PTPN1: variants seen among roughly 807,000 people sequenced by gnomAD.
PTPN1 encodes protein tyrosine phosphatase non-receptor type 1, also known as tyrosine-protein phosphatase non-receptor type 1.
Under a neutral mutation model 59.9 loss-of-function variants are expected in PTPN1, and 12 were observed. That is an observed-to-expected ratio of 0.20 (90% CI 0.13 to 0.32). The LOEUF is 0.32. Among genes scored for constraint, PTPN1 ranks in the 10% least tolerant of loss-of-function variants. The probability of loss-of-function intolerance (pLI) is 1.00; values close to 1 mark genes in which losing one functional copy is unlikely to be tolerated. For synonymous variants in PTPN1, 178 were observed against 203.6 expected, an observed-to-expected ratio of 0.87 and a Z score of 1.07; for missense variants, 356 against 549.2, an observed-to-expected ratio of 0.65 and a Z score of 3.52.
chr20:50,568,271 TA>T lies in PTPN1; in HGVS notation c.256-107del. ...TCCCAGCCTCAGCCACCACTCTGCC[TA>T]AGCTGTGGGGACTGAGGGCGCTGTC... On this transcript the variant is annotated intron_variant, in intron 3 of 9. Coordinates refer to ENST00000371621, the MANE Select transcript of PTPN1 (RefSeq NM_002827.4). The surrounding 1 kb of genome is among the most constrained non-coding windows in gnomAD (Gnocchi z 5.6). 1 of 913,524 alleles carries T rather than the reference TA, an allele frequency of 1.1e-6. No individual in the cohort carries two copies. Among genetic ancestry groups the T allele is most frequent in the Non-Finnish European group, 1.8e-6 (1 of 562,696 alleles). 56.6% of individuals were successfully genotyped at this position (913,524 alleles called of 1,614,324 possible). A position where few individuals can be genotyped will look rare whatever the true frequency, so the allele number is the denominator to read the frequency against.
intron 1 of PTPN1, among the ~76,000 whole-genome samples, chr20:50,521,865 T>C (rs2082553018): frequency 1.3e-5 from 2 of 152,164 alleles, no homozygotes; most frequent in Non-Finnish European, 1.5e-5. Flanking sequence ...ACACAACTCC[T>C]TTTGGATGTA....
chr20:50,568,514 T>C lies in PTPN1; in HGVS notation c.354+36T>C. ...GCTTCATTTGCTGTGTATGTGATCATGCATACCACTCCATATAGTTACCAT... is the reference window on the plus strand; with the variant it reads ...GCTTCATTTGCTGTGTATGTGATCACGCATACCACTCCATATAGTTACCAT... On this transcript the variant is annotated intron_variant, in intron 4 of 9. Transcript: ENST00000371621. This position sits in a 1 kb window ranked among gnomAD's most constrained non-coding sequence, Gnocchi z 5.6. 2 of 1,474,124 alleles carry C rather than the reference T, an allele frequency of 1.4e-6. No individual in the cohort carries two copies. Among genetic ancestry groups the C allele is most frequent in the Non-Finnish European group, 1.9e-6 (2 of 1,052,416 alleles). The allele number at this position is 1,474,124 out of a possible 1,614,324, so 91.3% of individuals were successfully genotyped here. A position where few individuals can be genotyped will look rare whatever the true frequency, so the allele number is the denominator to read the frequency against.
At chr20:50,570,327 T>G (rs879034579) in intron 4 of PTPN1, among the ~76,000 whole-genome samples, 5 of 152,132 alleles carry the variant, frequency 3.3e-5, no homozygotes, top group South Asian at 2.1e-4. Context: ...TGGGGTTTTT[T>G]GGGGGTTTTT....
intron 6 of PTPN1, 119 bp downstream of exon 6, chr20:50,578,748 C>A: frequency 1.1e-6 from 1 of 872,240 alleles, no homozygotes; most frequent in Non-Finnish European, 1.7e-6. Context: ...CTGTGTTAGT[C>A]TGTTTTTGCG....
intron 1 of PTPN1, among the ~76,000 whole-genome samples, chr20:50,549,488 C>T (rs1743035699): frequency 6.6e-6 from 1 of 152,172 alleles, no homozygotes; most frequent in Admixed American, 6.5e-5. Flanking sequence ...ATTAACCTTG[C>T]CCCAGACCAC....
At chr20:50,513,616 G>A (rs997312671) in intron 1 of PTPN1, among the ~76,000 whole-genome samples, 2 of 152,188 alleles carry the variant, frequency 1.3e-5, no homozygotes, top group Admixed American at 6.5e-5. Flanking sequence ...ATTCATGTTA[G>A]AGGCAGGCTT....
At chr20:50,524,663 G>A (rs1449306980) in intron 1 of PTPN1, among the ~76,000 whole-genome samples, 4 of 133,648 alleles carry the variant, frequency 3.0e-5, no homozygotes, top group Admixed American at 8.7e-5. Flanking sequence ...TGCAACCTCC[G>A]CCTCCCGGGT....
At position 50,568,075 on chromosome 20, in the gene PTPN1, G is replaced by A. The variant is rs1247118476; in HGVS notation, c.256-305G>A. Reference sequence around the variant, plus strand: ...CCCATAGCCCAAGGGCCTTGGGGACGAATCTCAGTGGAGGCCCTTAGCGGG... The same window carrying A: ...CCCATAGCCCAAGGGCCTTGGGGACAAATCTCAGTGGAGGCCCTTAGCGGG... On this transcript the variant is annotated intron_variant, in intron 3 of 9. Transcript: ENST00000371621. The surrounding 1 kb of genome is among the most constrained non-coding windows in gnomAD (Gnocchi z 5.6). 6.6e-6 allele frequency among the ~76,000 whole-genome samples: 1 copy of A among 152,252 alleles called. No individual in the cohort carries two copies. The highest frequency in any genetic ancestry group is 1.5e-5 in the Non-Finnish European group (1 of 68,044).
chr20:50,563,267 A>G (rs1305555402), intron 2 of PTPN1, among the ~76,000 whole-genome samples: 1 of 152,122 alleles, frequency 6.6e-6, no homozygotes, highest in Admixed American at 6.5e-5. Context: ...ATTTGCTGTG[A>G]AGGTTATGGG....
intron 2 of PTPN1, among the ~76,000 whole-genome samples, chr20:50,564,279 C>T (rs767579421): frequency 2.6e-5 from 4 of 152,088 alleles, no homozygotes; most frequent in Non-Finnish European, 4.4e-5. Context: ...ATTGAAGCCA[C>T]CATATTTTCT....
In PTPN1 at chr20:50,510,455, A is replaced by C; in HGVS notation, c.-73A>C. ...GATTGCAGCGGGCCTCGGGGCTAAG[A>C]GCGCGACGCGGCCTAGAGCGGCAGA... On this transcript the variant is annotated 5_prime_UTR_variant, in exon 1 of 10. Coordinates refer to ENST00000371621, the MANE Select transcript of PTPN1 (RefSeq NM_002827.4). 6.6e-7 allele frequency: 1 copy of C among 1,510,126 alleles called. No individual in the cohort carries two copies. Among genetic ancestry groups the C allele is most frequent in the East Asian group, 2.6e-5 (1 of 38,866 alleles). The allele number at this position is 1,510,126 out of a possible 1,614,324, so 93.5% of individuals were successfully genotyped here.
chr20:50,537,986 C>T (rs2082631604), intron 1 of PTPN1, among the ~76,000 whole-genome samples: 1 of 152,098 alleles, frequency 6.6e-6, no homozygotes, highest in East Asian at 1.9e-4. Flanking sequence ...AGCTTTTGCT[C>T]TTCATCTTGA....
chr20:50,558,408 TA>T (rs1282034800), intron 1 of PTPN1, among the ~76,000 whole-genome samples: 1 of 152,266 alleles, frequency 6.6e-6, no homozygotes, highest in Admixed American at 6.5e-5. Context: ...ATACTTGAGA[TA>T]TTTTGCTTTT....
chr20:50,510,416 C>A lies in PTPN1; in HGVS notation c.-112C>A. On this transcript the variant is annotated 5_prime_UTR_variant, in exon 1 of 10. The change creates a new upstream start codon in the 5' untranslated region. Transcript: ENST00000371621. Reference sequence around the variant, plus strand: ...GCAGCAGCGGCTAGGGCGGCGGTAGCTGCAGGGGTCGGGGATTGCAGCGGG... The same window carrying A: ...GCAGCAGCGGCTAGGGCGGCGGTAGATGCAGGGGTCGGGGATTGCAGCGGG... 8.3e-7 allele frequency: 1 copy of A among 1,205,206 alleles called. No individual in the cohort carries two copies. The highest frequency in any genetic ancestry group is 1.2e-6 in the Non-Finnish European group (1 of 863,514). 74.7% of individuals were successfully genotyped at this position (1,205,206 alleles called of 1,614,324 possible). A position where few individuals can be genotyped will look rare whatever the true frequency, so the allele number is the denominator to read the frequency against.
intron 1 of PTPN1, among the ~76,000 whole-genome samples, chr20:50,549,322 T>C (rs969874849): frequency 6.6e-6 from 1 of 152,132 alleles, no homozygotes; most frequent in Non-Finnish European, 1.5e-5. Context: ...CACCAGAAGG[T>C]CTCCATGCCA....
intron 1 of PTPN1, among the ~76,000 whole-genome samples, chr20:50,519,730 T>G (rs2082543247): frequency 6.6e-6 from 1 of 152,214 alleles, no homozygotes; most frequent in African/African-American, 2.4e-5. Context: ...GTGTCATCGT[T>G]TGGCAGTGTT....
At chr20:50,565,630 G>A (rs192371125) in intron 3 of PTPN1, among the ~76,000 whole-genome samples, 259 of 152,312 alleles carry the variant, frequency 1.7e-3, no homozygotes, top group African/African-American at 6.1e-3. Flanking sequence ...TGAGCCTCTT[G>A]TAAAACACTC....
In PTPN1 at chr20:50,530,592, C is replaced by T. The variant is rs1252837162; in HGVS notation, c.63+20002C>T. Among the ~76,000 whole-genome samples the T allele has an allele frequency of 4.0e-5, 6 of 151,496 alleles. No individual in the cohort carries two copies. In the East Asian group the frequency reaches 9.8e-4, roughly 25 times the overall value. On this transcript the variant is annotated intron_variant, in intron 1 of 9. Transcript: ENST00000371621. ...CAGGATGGTCTTGATCTCTTGACCC[C>T]GTGATCCACCCTCCTCGGCCTCCCA...
At chr20:50,566,504 C>G (rs1312795723) in intron 3 of PTPN1, among the ~76,000 whole-genome samples, 2 of 152,114 alleles carry the variant, frequency 1.3e-5, no homozygotes. Context: ...TTCCCTTTGC[C>G]CTGGGGATTT....
Sources: allele counts gnomAD v4.1 joint callset (sites outside exome capture counted in the v4.1 genomes callset), GRCh38; gene constraint gnomAD v4.1.1; non-coding constraint Gnocchi (gnomAD v3.1); transcripts MANE v1.5; gene names NCBI Gene and HGNC (gene_info 2026-07-23, HGNC 2026-07-21).